The following CIMAP1D variants were observed in gnomAD, a reference collection of about 807,000 sequenced individuals.
CIMAP1D encodes CIMAP1 family member D, also known as protein CIMAP1D.
At chr19:470,957 T>C in the CIMAP1D span, among the ~76,000 whole-genome samples, 2 of 152,140 alleles carry the variant, frequency 1.3e-5, no homozygotes, top group African/African-American at 4.8e-5. Flanking sequence ...ACCCCATGCC[T>C]GCCCTCCCGC....
the CIMAP1D span, among the ~76,000 whole-genome samples, chr19:491,121 AC>A: frequency 1.3e-5 from 2 of 151,670 alleles, no homozygotes; most frequent in Admixed American, 1.3e-4. Context: ...GTCTACAAAT[AC>A]AAAACTTACC....
At chr19:489,860 C>T in the CIMAP1D span, 1 of 382,488 alleles carries the variant, frequency 2.6e-6, no homozygotes, top group Non-Finnish European at 4.6e-6. Flanking sequence ...GGCCGCCGGC[C>T]TGCAGGCGAG....
At chr19:465,078 G>A in the CIMAP1D span, among the ~76,000 whole-genome samples, 1 of 149,168 alleles carries the variant, frequency 6.7e-6, no homozygotes, top group Non-Finnish European at 1.5e-5. Context: ...TGGGTGGGTG[G>A]AAGGATGGAT....
chr19:485,245 C>T, the CIMAP1D span, among the ~76,000 whole-genome samples: 3 of 152,180 alleles, frequency 2.0e-5, no homozygotes, highest in Admixed American at 6.5e-5. Flanking sequence ...CACGTGGGTG[C>T]GCACGATGAG....
At chr19:465,288 G>C in the CIMAP1D span, among the ~76,000 whole-genome samples, 3 of 150,774 alleles carry the variant, frequency 2.0e-5, no homozygotes, top group South Asian at 4.3e-4. Context: ...TGGATGATGA[G>C]TGGGTGGATG....
At chr19:482,122 A>C in the CIMAP1D span, among the ~76,000 whole-genome samples, 1 of 152,204 alleles carries the variant, frequency 6.6e-6, no homozygotes, top group Admixed American at 6.5e-5. Flanking sequence ...GAAACACGTG[A>C]AATTAATTTT....
chr19:472,504 G>C, the CIMAP1D span: 3 of 1,537,728 alleles, frequency 2.0e-6, no homozygotes, highest in Non-Finnish European at 2.6e-6. Flanking sequence ...CCCCGAGCCT[G>C]CAGCCCAAAG....
chr19:490,574 C>T, the CIMAP1D span, among the ~76,000 whole-genome samples: 1 of 152,248 alleles, frequency 6.6e-6, no homozygotes, highest in East Asian at 1.9e-4. Context: ...CTTCAGGCCA[C>T]TAAAGTTCTA....
At chr19:488,980 T>A in the CIMAP1D span, among the ~76,000 whole-genome samples, 7 of 152,038 alleles carry the variant, frequency 4.6e-5, no homozygotes, top group East Asian at 3.9e-4. Flanking sequence ...CAAGCCCGCA[T>A]CAGCCCGCCA....
chr19:464,017 G>C, the CIMAP1D span: 32 of 1,607,496 alleles, frequency 2.0e-5, 1 homozygote, highest in South Asian at 3.5e-4. Flanking sequence ...TCCTCCAGGG[G>C]TCGCGGGGCC....
chr19:472,315 G>T, the CIMAP1D span: 3 of 798,384 alleles, frequency 3.8e-6, no homozygotes, highest in Non-Finnish European at 5.6e-6. Flanking sequence ...GGATCTAAGG[G>T]GTAAGGAGAC....
chr19:467,571 G>T, the CIMAP1D span: 1 of 902,330 alleles, frequency 1.1e-6, no homozygotes. Flanking sequence ...GATAAGAGGG[G>T]GAGGGAGGAC....
At chr19:487,147 C>G in the CIMAP1D span, among the ~76,000 whole-genome samples, 1 of 152,172 alleles carries the variant, frequency 6.6e-6, no homozygotes, top group Non-Finnish European at 1.5e-5. Context: ...ACTCTCCACG[C>G]CTCACCTATT....
chr19:474,586 A>T, the CIMAP1D span: 1 of 1,466,234 alleles, frequency 6.8e-7, no homozygotes, highest in Non-Finnish European at 9.1e-7. Context: ...TGGAGCAGGA[A>T]AAGGTCCCAC....
chr19:475,403 T>C, the CIMAP1D span, among the ~76,000 whole-genome samples: 1 of 151,976 alleles, frequency 6.6e-6, no homozygotes, highest in African/African-American at 2.4e-5. Context: ...CGTCAGTAAA[T>C]GTGATAAGTG....
At chr19:469,778 G>A in the CIMAP1D span, among the ~76,000 whole-genome samples, 1 of 152,138 alleles carries the variant, frequency 6.6e-6, no homozygotes, top group Non-Finnish European at 1.5e-5. Flanking sequence ...CGTGACCACA[G>A]ACTCGCCTCA....
At chr19:474,318 TC>T in the CIMAP1D span, among the ~76,000 whole-genome samples, 7 of 152,108 alleles carry the variant, frequency 4.6e-5, no homozygotes, top group African/African-American at 1.7e-4. Flanking sequence ...CTGGAAATAT[TC>T]CCTCCTCCCC....
At chr19:481,486 T>TA in the CIMAP1D span, among the ~76,000 whole-genome samples, 1 of 53,328 alleles carries the variant, frequency 1.9e-5, no homozygotes, top group Admixed American at 2.3e-4. Context: ...GGAAGGATGA[T>TA]GGGAAGGATG....
chr19:483,037 G>A, the CIMAP1D span, among the ~76,000 whole-genome samples: 1 of 152,190 alleles, frequency 6.6e-6, no homozygotes, highest in Non-Finnish European at 1.5e-5. Context: ...GCATATGTCA[G>A]CCTGACTCCA....
Sources: gnomAD v4.1 joint callset for allele counts (sites outside exome capture counted in the v4.1 genomes callset) on GRCh38, gnomAD v4.1.1 for gene constraint, MANE v1.5 for transcripts, NCBI Gene and HGNC (gene_info 2026-07-23, HGNC 2026-07-21) for gene names.